Variants in HK1 observed in about 807,000 individuals in gnomAD.
HK1 encodes hexokinase 1.
HK1 carries 28 observed loss-of-function variants against 91.6 expected under a neutral mutation model. The ratio of observed to expected loss-of-function variants is 0.31; its 90% CI spans 0.23 to 0.42. The LOEUF is 0.42. Ranked by LOEUF, HK1 falls within the 10% of genes least tolerant of loss-of-function variation. HK1 has a pLI of 1.00. For missense variants in HK1, 770 were observed against 1,219.8 expected, an observed-to-expected ratio of 0.63 and a Z score of 5.49; for synonymous variants, 430 against 468.1, an observed-to-expected ratio of 0.92 and a Z score of 1.05.
intron 10 of HK1, among the ~76,000 whole-genome samples, chr10:69,383,519 C>T (rs1373319329): frequency 6.6e-6 from 1 of 152,218 alleles, no homozygotes. Flanking sequence ...TTATAAGCCA[C>T]CCTCACACTT....
intron 2 of HK1, among the ~76,000 whole-genome samples, chr10:69,347,781 T>G (rs892300008): frequency 6.6e-6 from 1 of 152,170 alleles, no homozygotes; most frequent in Non-Finnish European, 1.5e-5. Context: ...GGTCAGATTC[T>G]TCAGTCTTCT....
intron 3 of HK1, among the ~76,000 whole-genome samples, chr10:69,363,652 T>TCC (rs1849550805): frequency 6.6e-6 from 1 of 152,180 alleles, no homozygotes; most frequent in Admixed American, 6.5e-5. Flanking sequence ...GTATTGGGAT[T>TCC]ACAGACGTGA....
At chr10:69,367,783 C>G (rs1019316803) in intron 4 of HK1, among the ~76,000 whole-genome samples, 9 of 152,124 alleles carry the variant, frequency 5.9e-5, no homozygotes, top group Non-Finnish European at 1.2e-4. Context: ...GTAAAACAGC[C>G]AAGTATAACA....
chr10:69,295,692 ATT>A (rs111682217), intron 4 of HK1: 35 of 1,451,476 alleles, frequency 2.4e-5, no homozygotes, highest in South Asian at 3.5e-5. Flanking sequence ...TAAGAAAGCT[ATT>A]TTTTTTTTTA....
At chr10:69,315,552 G>A (rs933797367), upstream of HK1, among the ~76,000 whole-genome samples, 4 of 152,188 alleles carry the variant, frequency 2.6e-5, no homozygotes, top group African/African-American at 9.7e-5. Context: ...GATCCAGGGA[G>A]TAACTGTCAA....
intron 5 of HK1, among the ~76,000 whole-genome samples, chr10:69,304,503 T>C (rs1421497073): frequency 1.3e-5 from 2 of 152,108 alleles, no homozygotes; most frequent in Non-Finnish European, 2.9e-5. Flanking sequence ...AAGCAGCGTT[T>C]CACCATGTTG....
chr10:69,378,134 C>G (rs1277698367), intron 8 of HK1, among the ~76,000 whole-genome samples: 3 of 152,124 alleles, frequency 2.0e-5, no homozygotes, highest in Admixed American at 6.5e-5. Context: ...GTCTCCTGGT[C>G]AGTGGCTGGG....
chr10:69,317,435 G>A (rs894864249), upstream of HK1, among the ~76,000 whole-genome samples: 12 of 152,298 alleles, frequency 7.9e-5, no homozygotes, highest in South Asian at 4.1e-4. Context: ...TTTTCTGTGG[G>A]TGATGGTGGC....
At chr10:69,278,798 T>C (rs1334227202) in intron 1 of HK1, 2 of 151,644 alleles carry the variant, frequency 1.3e-5, no homozygotes, top group East Asian at 3.9e-4. Flanking sequence ...AAGATGAAGT[T>C]GTTTTTTTTT....
At chr10:69,297,938 C>T (rs566084746) in intron 4 of HK1, among the ~76,000 whole-genome samples, 61 of 141,668 alleles carry the variant, frequency 4.3e-4, no homozygotes, top group Middle Eastern at 4.6e-3. Flanking sequence ...GGGCCAGGTG[C>T]GGTGGCTCAC....
At chr10:69,285,760 G>A (rs922226565) in intron 2 of HK1, among the ~76,000 whole-genome samples, 3 of 152,178 alleles carry the variant, frequency 2.0e-5, no homozygotes, top group Non-Finnish European at 2.9e-5. Flanking sequence ...GGAATGACTA[G>A]CTATAAACCA....
chr10:69,315,998 A>C (rs746711592), upstream of HK1: 2 of 1,614,138 alleles, frequency 1.2e-6, no homozygotes, highest in Non-Finnish European at 1.7e-6. Flanking sequence ...CGAGGTGCTG[A>C]GGCCTGGGAG....
chr10:69,360,326 T>A (rs1276862572), intron 3 of HK1, among the ~76,000 whole-genome samples: 2 of 152,196 alleles, frequency 1.3e-5, no homozygotes, highest in African/African-American at 2.4e-5. Flanking sequence ...GCTCCGCAGC[T>A]CTGTTGGGTA....
intron 14 of HK1, among the ~76,000 whole-genome samples, chr10:69,390,116 G>A (rs1258481362): frequency 6.6e-6 from 1 of 152,202 alleles, no homozygotes; most frequent in African/African-American, 2.4e-5. Context: ...CCTTCCAGGT[G>A]CCAGGAAGAA....
intron 10 of HK1, 24 bp downstream of exon 10, chr10:69,382,815 A>G (rs755661939): frequency 1.8e-5 from 29 of 1,604,498 alleles, no homozygotes; most frequent in Admixed American, 5.2e-5. Context: ...GGGGGCTGAC[A>G]TGCCTGTCCT....
chr10:69,332,104 G>A (rs1847757561), intron 1 of HK1, among the ~76,000 whole-genome samples: 1 of 152,124 alleles, frequency 6.6e-6, no homozygotes, highest in South Asian at 2.1e-4. Flanking sequence ...CTTTTTAAAT[G>A]TGGCTAGTAG....
intron 4 of HK1, among the ~76,000 whole-genome samples, chr10:69,295,860 C>T (rs1225479369): frequency 6.6e-6 from 1 of 152,180 alleles, no homozygotes; most frequent in Non-Finnish European, 1.5e-5. Context: ...TACACCTGAA[C>T]AGGGAAGGTG....
At chr10:69,332,657 G>A (rs1428839012) in intron 1 of HK1, among the ~76,000 whole-genome samples, 2 of 152,100 alleles carry the variant, frequency 1.3e-5, no homozygotes, top group Non-Finnish European at 2.9e-5. Flanking sequence ...GATTACAGGT[G>A]TCAGCCATTG....
intron 2 of HK1, among the ~76,000 whole-genome samples, chr10:69,352,478 A>G (rs541394377): frequency 1.4e-4 from 22 of 152,168 alleles, no homozygotes; most frequent in Non-Finnish European, 2.8e-4. Flanking sequence ...TTGGACCACA[A>G]ATAATTTAAA....
Sources: gnomAD v4.1 joint callset for allele counts (sites outside exome capture counted in the v4.1 genomes callset) on GRCh38, gnomAD v4.1.1 for gene constraint, MANE v1.5 for transcripts, NCBI Gene and HGNC (gene_info 2026-07-23, HGNC 2026-07-21) for gene names.